The following ITPRID1 variants were observed in gnomAD, a reference collection of about 807,000 sequenced individuals.
The protein encoded by ITPRID1 is protein ITPRID1.
ITPRID1 carries 96 observed loss-of-function variants against 95.4 expected under a neutral mutation model. That is an observed-to-expected ratio of 1.01 (90% CI 0.85 to 1.19). ITPRID1 has a LOEUF of 1.19. ITPRID1 is among the 50% of genes most tolerant of loss of function. The probability of loss-of-function intolerance (pLI) is 0.00; values close to 1 mark genes in which losing one functional copy is unlikely to be tolerated. For missense variants in ITPRID1, 1,339 were observed against 1,252.9 expected (o/e 1.07, Z -1.04); for synonymous variants, 510 against 453.6 (o/e 1.12, Z -1.58).
chr7:31,628,471 C>CT (rs1562630007), intron 10 of ITPRID1, among the ~76,000 whole-genome samples: 3 of 126,428 alleles, frequency 2.4e-5, no homozygotes, highest in South Asian at 4.9e-4. Context: ...CTTTTTTTTT[C>CT]TTTTTTTGAG....
At chr7:31,612,851 A>G (rs961143350) in intron 10 of ITPRID1, among the ~76,000 whole-genome samples, 3 of 152,150 alleles carry the variant, frequency 2.0e-5, no homozygotes, top group African/African-American at 7.2e-5. Flanking sequence ...CCTTTTGTAG[A>G]TCCACACGAA....
chr7:31,555,844 A>G (rs529516538), intron 5 of ITPRID1, among the ~76,000 whole-genome samples: 1 of 152,292 alleles, frequency 6.6e-6, no homozygotes, highest in Non-Finnish European at 1.5e-5. Flanking sequence ...TACTACTTTT[A>G]AAAGAAAACC....
chr7:31,595,299 T>TC (rs1283732412), intron 10 of ITPRID1, among the ~76,000 whole-genome samples: 5 of 149,164 alleles, frequency 3.4e-5, no homozygotes, highest in African/African-American at 1.0e-4. Context: ...CCCGCCTTGG[T>TC]CCCCCAAAGT....
rs80026081 is a variant in ITPRID1 at position 31,654,900 on chromosome 7, T to A, written c.*2071T>A. On this transcript the variant is annotated 3_prime_UTR_variant, in exon 15 of 15. Transcript: ENST00000615280. Reference sequence around the variant, plus strand: ...TTGCACTCTTCCCCTTCCTTGCTTTTTGGAAAGCCTTTGACTCAGCGGGGC... The same window carrying A: ...TTGCACTCTTCCCCTTCCTTGCTTTATGGAAAGCCTTTGACTCAGCGGGGC... Among the ~76,000 whole-genome samples, 286 of 152,292 alleles carry A rather than the reference T, an allele frequency of 1.9e-3. No homozygotes were observed. Among genetic ancestry groups the A allele is most frequent in the Non-Finnish European group, 3.2e-3 (216 of 68,004 alleles).
chr7:31,647,492 T>C (rs1201997310), intron 12 of ITPRID1, among the ~76,000 whole-genome samples: 1 of 125,338 alleles, frequency 8.0e-6, no homozygotes, highest in Non-Finnish European at 1.6e-5. Context: ...CAAAACCCCG[T>C]CTCCATTAAA....
At chr7:31,594,130 G>A (rs1020003941) in intron 10 of ITPRID1, among the ~76,000 whole-genome samples, 2 of 152,250 alleles carry the variant, frequency 1.3e-5, no homozygotes, top group Non-Finnish European at 2.9e-5. Flanking sequence ...ACTTATCATT[G>A]TGTTACAGTT....
At chr7:31,590,081 T>C (rs1785799461) in intron 10 of ITPRID1, among the ~76,000 whole-genome samples, 1 of 152,036 alleles carries the variant, frequency 6.6e-6, no homozygotes, top group East Asian at 1.9e-4. Flanking sequence ...TATAGTTTGT[T>C]TTTTGAGGTG....
At chr7:31,621,241 C>T (rs1308055147) in intron 10 of ITPRID1, among the ~76,000 whole-genome samples, 1 of 151,626 alleles carries the variant, frequency 6.6e-6, no homozygotes, top group Admixed American at 6.6e-5. Context: ...CGTTCAGATT[C>T]AGGAAATGCA....
At chr7:31,569,723 A>C (rs1784917221) in intron 5 of ITPRID1, 35 bp from the exon 6 acceptor site, 2 of 1,548,092 alleles carry the variant, frequency 1.3e-6, no homozygotes, top group African/African-American at 2.7e-5. Flanking sequence ...GATAAAACGA[A>C]ATAAAGTTCC....
chr7:31,576,695 A>G (rs949408261), intron 8 of ITPRID1, among the ~76,000 whole-genome samples: 4 of 152,120 alleles, frequency 2.6e-5, no homozygotes, highest in African/African-American at 9.7e-5. Context: ...TTGTAGGTAA[A>G]AGAAAAAGGT....
At chr7:31,529,066 C>T (rs935347540) in intron 1 of ITPRID1, among the ~76,000 whole-genome samples, 10 of 152,186 alleles carry the variant, frequency 6.6e-5, no homozygotes, top group African/African-American at 1.9e-4. Context: ...CATCTCTCAA[C>T]TAAAATACTT....
intron 10 of ITPRID1, 69 bp from the exon 11 acceptor site, chr7:31,642,107 G>T: frequency 9.3e-7 from 1 of 1,069,842 alleles, no homozygotes; most frequent in Non-Finnish European, 1.4e-6. Flanking sequence ...GCACCTAGAG[G>T]GGTTGATCCA....
At chr7:31,585,574 C>A (rs952941268) in intron 10 of ITPRID1, among the ~76,000 whole-genome samples, 4 of 151,982 alleles carry the variant, frequency 2.6e-5, no homozygotes, top group African/African-American at 9.7e-5. Context: ...ACATTGTGGG[C>A]GAAGTTGCAG....
Position 31,569,737 on chromosome 7 carries a change from C to T in ITPRID1, c.257-21C>T, listed in dbSNP as rs551778968. ...AGATAAAACGAAATAAAGTTCCCCT[C>T]TACTTTTTTTGTTGTTGCAGTTTCT... is the stretch of plus-strand genomic sequence containing the variant. On this transcript the variant is annotated intron_variant, in intron 5 of 14. Transcript: ENST00000615280. The T allele has an allele frequency of 1.7e-5, 27 of 1,564,304 alleles. No homozygotes were observed. In the South Asian group the frequency reaches 2.7e-4, roughly 16 times the overall value.
chr7:31,586,383 T>G (rs996982366), intron 10 of ITPRID1, among the ~76,000 whole-genome samples: 1 of 151,622 alleles, frequency 6.6e-6, no homozygotes, highest in African/African-American at 2.4e-5. Context: ...TCAAATGGTA[T>G]TTGTAGTTCT....
chr7:31,592,652 C>G (rs956423943), intron 10 of ITPRID1, among the ~76,000 whole-genome samples: 6 of 152,154 alleles, frequency 3.9e-5, no homozygotes, highest in African/African-American at 1.4e-4. Flanking sequence ...AGAATTTGTA[C>G]TCTTGTGAGA....
intron 10 of ITPRID1, among the ~76,000 whole-genome samples, chr7:31,618,126 G>GTGAT (rs1787446160): frequency 6.6e-6 from 1 of 152,184 alleles, no homozygotes; most frequent in East Asian, 1.9e-4. Context: ...GCCCATCATT[G>GTGAT]TGATAGGAGC....
chr7:31,577,745 T>A lies in ITPRID1; in HGVS notation c.599-118T>A, dbSNP rs76196458. On this transcript the variant is annotated intron_variant, in intron 8 of 14. Transcript: ENST00000615280. ...GAGAAAAACTTGAGTTTCAAGAGCC[T>A]AATGTCCTTCCTATCTTGAAAATTT... 582 of 791,324 alleles carry A rather than the reference T, an allele frequency of 7.4e-4. 5 individuals are homozygous for A. The African/African-American group carries it at 8.6e-3, about 12-fold the overall frequency. 49.0% of individuals were successfully genotyped at this position (791,324 alleles called of 1,614,324 possible). A position where few individuals can be genotyped will look rare whatever the true frequency, so the allele number is the denominator to read the frequency against.
intron 10 of ITPRID1, among the ~76,000 whole-genome samples, chr7:31,589,030 G>A (rs1404563805): frequency 6.6e-6 from 1 of 151,994 alleles, no homozygotes; most frequent in Non-Finnish European, 1.5e-5. Context: ...AGAAAACCCA[G>A]ATGTTCTAAT....
Sources: gnomAD v4.1 joint callset for allele counts (sites outside exome capture counted in the v4.1 genomes callset) on GRCh38, gnomAD v4.1.1 for gene constraint, MANE v1.5 for transcripts, NCBI Gene and HGNC (gene_info 2026-07-23, HGNC 2026-07-21) for gene names.